WDR17: variants seen among roughly 807,000 people sequenced by gnomAD.
WDR17 encodes the protein WD repeat domain 17, also known as WD repeat-containing protein 17.
A neutral mutation model predicts 161.7 loss-of-function variants in WDR17; 143 were observed. That is an observed-to-expected ratio of 0.88 (90% CI 0.77 to 1.02). The LOEUF is 1.02. WDR17 is among the 50% of genes least tolerant of loss of function. The probability of loss-of-function intolerance (pLI) is 0.00; values close to 1 mark genes in which losing one functional copy is unlikely to be tolerated. For missense variants in WDR17, 1,469 were observed against 1,520.9 expected, an observed-to-expected ratio of 0.97 and a Z score of 0.57; for synonymous variants, 517 against 515.6, an observed-to-expected ratio of 1.00 and a Z score of -0.04.
At chr4:176,173,030 A>C (rs531896065) in intron 24 of WDR17, among the ~76,000 whole-genome samples, 6 of 152,326 alleles carry the variant, frequency 3.9e-5, no homozygotes, top group Admixed American at 1.3e-4. Flanking sequence ...ACTTAAAATC[A>C]AGAACTAGTC....
rs773024936 is a variant in WDR17 at position 176,168,696 on chromosome 4, G to T, written c.3015G>T (p.Leu1005=). 3.1e-6 allele frequency: 5 copies of T among 1,613,452 alleles called. No individual in the cohort carries two copies. In the Admixed American group the frequency reaches 6.7e-5, roughly 22 times the overall value. Residue 1005 remains leucine (L), a synonymous_variant, in exon 23 of 29, where the codon CTG becomes CTT. Coordinates refer to ENST00000508596, the MANE Select transcript of WDR17 (RefSeq NM_181265.4). ...SVWNLAADLL[L]MIPDNELHLI... ...GGAATTTGGCAGCTGATCTTCTTCT[G>T]ATGATTCCTGATAATGAACTACATT...
chr4:176,129,829 G>A (rs528543205), intron 6 of WDR17, among the ~76,000 whole-genome samples: 80 of 149,712 alleles, frequency 5.3e-4, no homozygotes, highest in African/African-American at 1.7e-3. Context: ...ATTAGGACTA[G>A]AGAAGTAATA....
chr4:176,150,566 C>T lies in WDR17; in HGVS notation c.2277C>T (p.His759=). Residue 759 remains histidine (H), a synonymous_variant, in exon 16 of 29, where the codon CAC becomes CAT. Coordinates refer to ENST00000508596, the MANE Select transcript of WDR17 (RefSeq NM_181265.4). The part of the protein sequence containing the change: ...LPQNYCKGIM[H]LKHLIKFRTS... ...AGAACTACTGCAAAGGAATAATGCACTTGAAACATCTGATTAAATTTAGAA... is the reference window on the plus strand; with the variant it reads ...AGAACTACTGCAAAGGAATAATGCATTTGAAACATCTGATTAAATTTAGAA... 6.2e-7 allele frequency: 1 copy of T among 1,603,796 alleles called. No individual in the cohort carries two copies. The highest frequency in any genetic ancestry group is 8.5e-7 in the Non-Finnish European group (1 of 1,176,258).
chr4:176,148,250 C>T lies in WDR17; in HGVS notation c.1812C>T (p.Gly604=), dbSNP rs761420033. 1.6e-5 allele frequency: 26 copies of T among 1,613,834 alleles called. No homozygotes were observed. The highest frequency in any genetic ancestry group is 2.1e-5 in the Non-Finnish European group (25 of 1,179,932). The stretch of plus-strand genomic sequence containing the variant: ...AGATTCCATATCTGCTCATATCTGG[C>T]AGCTGGGACTATACTATAAAAGTAT... ...NTEIPYLLIS[G]SWDYTIKVWD... is the part of the protein sequence containing the mutation. Residue 604 remains glycine, a synonymous_variant, in exon 13 of 29, where the codon GGC becomes GGT. Transcript: ENST00000508596.
chr4:176,096,590 G>A, intron 1 of WDR17: 2 of 1,575,422 alleles, frequency 1.3e-6, no homozygotes, highest in South Asian at 1.2e-5. Context: ...CAAAGAGTAA[G>A]ATACATTTAC....
intron 1 of WDR17, among the ~76,000 whole-genome samples, chr4:176,108,352 T>G (rs931587673): frequency 1.3e-5 from 2 of 152,032 alleles, no homozygotes; most frequent in African/African-American, 4.8e-5. Flanking sequence ...GTTCCAACTA[T>G]AAGACATTGT....
At chr4:176,161,897 G>C (rs1444041265) in intron 20 of WDR17, among the ~76,000 whole-genome samples, 178 bp from the exon 21 acceptor site, 4 of 152,130 alleles carry the variant, frequency 2.6e-5, no homozygotes, top group Admixed American at 2.6e-4. Context: ...AGGCTTATCA[G>C]ACCGTATACT....
intron 1 of WDR17, among the ~76,000 whole-genome samples, chr4:176,082,456 T>C (rs1178865637): frequency 1.3e-5 from 2 of 152,094 alleles, no homozygotes; most frequent in Non-Finnish European, 2.9e-5. Context: ...AAAGTCGACC[T>C]GAGATTTGGC....
chr4:176,162,312 CAT>C, intron 21 of WDR17, 138 bp downstream of exon 21: 7 of 641,698 alleles, frequency 1.1e-5, no homozygotes, highest in Non-Finnish European at 1.8e-5. Context: ...TAAGTAATTA[CAT>C]TCCTAATTAG....
At chr4:176,167,133 T>C (rs1749890451) in intron 22 of WDR17, among the ~76,000 whole-genome samples, 1 of 152,206 alleles carries the variant, frequency 6.6e-6, no homozygotes, top group Admixed American at 6.6e-5. Flanking sequence ...TTTATTCCTA[T>C]TCTATATTCA....
intron 26 of WDR17, among the ~76,000 whole-genome samples, chr4:176,176,285 G>C (rs1751448762): frequency 6.6e-6 from 1 of 152,190 alleles, no homozygotes; most frequent in Non-Finnish European, 1.5e-5. Context: ...AGCTTAGAAA[G>C]AGAAATTGAT....
chr4:176,095,031 A>C (rs1017657351), intron 1 of WDR17, among the ~76,000 whole-genome samples: 1 of 152,066 alleles, frequency 6.6e-6, no homozygotes, highest in Admixed American at 6.6e-5. Flanking sequence ...AGGTTGTGTT[A>C]TGGGAGACAC....
Position 176,177,017 on chromosome 4 carries a change from G to T in WDR17, c.3450-41G>T, listed in dbSNP as rs763790314. The T allele has an allele frequency of 2.8e-6, 4 of 1,436,726 alleles. No homozygotes were observed. In the East Asian group the frequency reaches 6.8e-5, roughly 25 times the overall value. 89.0% of individuals were successfully genotyped at this position (1,436,726 alleles called of 1,614,324 possible). On this transcript the variant is annotated intron_variant, in intron 26 of 28. Coordinates refer to ENST00000508596, the MANE Select transcript of WDR17 (RefSeq NM_181265.4). ...TTTGTTTGCTTTTTCTGATATCTTAGTTTTTGGTATCAGATGTTAATTTCC... is the reference window on the plus strand; with the variant it reads ...TTTGTTTGCTTTTTCTGATATCTTATTTTTTGGTATCAGATGTTAATTTCC...
In WDR17 at chr4:176,179,603, ATT is replaced by A. The variant is rs531364220; in HGVS notation, c.*34_*35del. 4.6e-4 allele frequency: 595 copies of A among 1,282,156 alleles called. 1 individual carries two copies. The African/African-American group carries it at 7.7e-3, about 17-fold the overall frequency. The allele number at this position is 1,282,156 out of a possible 1,614,324, so 79.4% of individuals were successfully genotyped here. ...GATAGAAGATTTTTGTCCATGCTTG[ATT>A]TTTTTTTTTAAAGAAAAACTTTCAT... On this transcript the variant is annotated 3_prime_UTR_variant, in exon 29 of 29. Coordinates refer to ENST00000508596, the MANE Select transcript of WDR17 (RefSeq NM_181265.4).
At chr4:176,150,715 G>T in intron 16 of WDR17, 122 bp downstream of exon 16, 1 of 968,482 alleles carries the variant, frequency 1.0e-6, no homozygotes, top group African/African-American at 1.7e-5. Context: ...AATGAACACT[G>T]AGGAGATCCA....
At chr4:176,153,258 G>A (rs114461289) in intron 17 of WDR17, among the ~76,000 whole-genome samples, 255 of 152,264 alleles carry the variant, frequency 1.7e-3, no homozygotes, top group African/African-American at 5.6e-3. Context: ...AGTAGAATCC[G>A]CTTGCTAATA....
chr4:176,087,538 C>G (rs1362292153), intron 1 of WDR17, among the ~76,000 whole-genome samples: 4 of 152,090 alleles, frequency 2.6e-5, no homozygotes, highest in African/African-American at 9.7e-5. Context: ...GTTTTAAAAT[C>G]AGTTTCAGAA....
At chr4:176,104,201 A>C (rs1422735866) in intron 1 of WDR17, among the ~76,000 whole-genome samples, 1 of 152,096 alleles carries the variant, frequency 6.6e-6, no homozygotes, top group Non-Finnish European at 1.5e-5. Flanking sequence ...AAATTAATAC[A>C]TTTCCCAGTA....
chr4:176,172,614 AAAG>A, intron 24 of WDR17, 98 bp downstream of exon 24: 1 of 1,094,238 alleles, frequency 9.1e-7, no homozygotes, highest in East Asian at 2.6e-5. Context: ...GCATTGCTAT[AAAG>A]AAATACCTGA....
Sources: allele counts gnomAD v4.1 joint callset (sites outside exome capture counted in the v4.1 genomes callset), GRCh38; gene constraint gnomAD v4.1.1; transcripts MANE v1.5; gene names NCBI Gene and HGNC (gene_info 2026-07-23, HGNC 2026-07-21).